The following AOPEP variants were observed in gnomAD, a reference collection of about 807,000 sequenced individuals.
The protein encoded by AOPEP is aminopeptidase O.
Under a neutral mutation model 98.1 loss-of-function variants are expected in AOPEP, and 77 were observed. The ratio of observed to expected loss-of-function variants is 0.78; its 90% CI spans 0.65 to 0.95. The LOEUF (loss-of-function observed/expected upper bound fraction) is 0.95. Among genes scored for constraint, AOPEP ranks in the 40% least tolerant of loss-of-function variants. The pLI, the probability that AOPEP is intolerant of heterozygous loss-of-function variation, is 0.00. For synonymous variants in AOPEP, 346 were observed against 365.3 expected (o/e 0.95, Z 0.60); for missense variants, 1,024 against 1,024.7 (o/e 1.00, Z 0.01).
intron 5 of AOPEP, among the ~76,000 whole-genome samples, chr9:94,832,345 C>T (rs1335071020): frequency 6.6e-6 from 1 of 152,116 alleles, no homozygotes; most frequent in Non-Finnish European, 1.5e-5. Context: ...AGGAGAAATA[C>T]AAATTAAAAC....
intron 1 of AOPEP, among the ~76,000 whole-genome samples, chr9:94,748,693 CTT>C (rs775186852): frequency 3.3e-4 from 50 of 152,164 alleles, no homozygotes; most frequent in Non-Finnish European, 7.2e-4. Flanking sequence ...TTCTGTAACA[CTT>C]TGTCAGATTT....
intron 13 of AOPEP, among the ~76,000 whole-genome samples, chr9:95,026,461 C>T (rs2063843985): frequency 1.3e-5 from 2 of 152,258 alleles, no homozygotes; most frequent in South Asian, 4.1e-4. Flanking sequence ...CATGGTCTTA[C>T]GTGTTTGTTT....
chr9:94,989,636 G>A (rs2060762712), intron 11 of AOPEP, among the ~76,000 whole-genome samples: 1 of 134,186 alleles, frequency 7.5e-6, no homozygotes, highest in Non-Finnish European at 1.6e-5. Flanking sequence ...TTTTGAGACA[G>A]AGTCTTGCTC....
chr9:94,763,928 T>G (rs1359795426), intron 2 of AOPEP, among the ~76,000 whole-genome samples: 1 of 152,056 alleles, frequency 6.6e-6, no homozygotes, highest in Middle Eastern at 3.2e-3. Flanking sequence ...CAATTCCAAG[T>G]TAGTTGTGGA....
chr9:95,025,299 T>C (rs989130510), intron 13 of AOPEP, among the ~76,000 whole-genome samples: 1 of 152,222 alleles, frequency 6.6e-6, no homozygotes, highest in South Asian at 2.1e-4. Context: ...CCATTACATA[T>C]GCTGGTGTCC....
At chr9:95,022,803 GTT>G (rs929012042) in intron 13 of AOPEP, among the ~76,000 whole-genome samples, 18 of 152,160 alleles carry the variant, frequency 1.2e-4, no homozygotes, top group African/African-American at 3.9e-4. Context: ...CAGGAAAAAT[GTT>G]TGTCTGTTGT....
intron 13 of AOPEP, among the ~76,000 whole-genome samples, chr9:95,023,787 G>A (rs1374892054): frequency 6.6e-6 from 1 of 152,114 alleles, no homozygotes; most frequent in East Asian, 1.9e-4. Context: ...TTCCCTGAGC[G>A]CTGACTAACA....
chr9:94,980,646 T>G lies in AOPEP; in HGVS notation c.1977+1219T>G, dbSNP rs1176592562. Among the ~76,000 whole-genome samples, 3 of 152,326 alleles carry G rather than the reference T, an allele frequency of 2.0e-5. No individual in the cohort carries two copies. The highest frequency in any genetic ancestry group is 4.4e-5 in the Non-Finnish European group (3 of 68,022). On this transcript the variant is annotated intron_variant, in intron 11 of 16. Transcript: ENST00000375315. The surrounding 1 kb of genome is among the most constrained non-coding windows in gnomAD (Gnocchi z 4.3). The stretch of plus-strand genomic sequence containing the variant: ...ATGTGTGTCACCTGTTACAAATTAT[T>G]TCTTTGGTCCAGTCCTTCTGGGAGG...
At chr9:94,986,489 T>TA (rs1056089441) in intron 11 of AOPEP, among the ~76,000 whole-genome samples, 13 of 152,332 alleles carry the variant, frequency 8.5e-5, no homozygotes, top group Non-Finnish European at 1.8e-4. Flanking sequence ...GAATGGCCAA[T>TA]AAAAATTACT....
intron 5 of AOPEP, among the ~76,000 whole-genome samples, chr9:94,846,153 T>C (rs753453267): frequency 2.0e-5 from 3 of 151,542 alleles, no homozygotes; most frequent in African/African-American, 7.3e-5. Flanking sequence ...CTGGAGTTCA[T>C]GAGGCAGCCC....
intron 5 of AOPEP, among the ~76,000 whole-genome samples, chr9:94,810,929 C>T (rs1029169101): frequency 2.1e-4 from 32 of 152,180 alleles, no homozygotes; most frequent in African/African-American, 7.7e-4. Context: ...TTCAAATACT[C>T]CATCAGGAGT....
intron 5 of AOPEP, among the ~76,000 whole-genome samples, chr9:94,906,764 T>C (rs1325008734): frequency 1.3e-5 from 2 of 152,226 alleles, no homozygotes; most frequent in Non-Finnish European, 2.9e-5. Flanking sequence ...GGTTTGCTAA[T>C]GTATCCCAAG....
At position 94,955,918 on chromosome 9, in the gene AOPEP, T is replaced by G; in HGVS notation, c.1775T>G (p.Leu592Arg). 6.2e-7 allele frequency: 1 copy of G among 1,611,200 alleles called. No individual in the cohort carries two copies. Among genetic ancestry groups the G allele is most frequent in the Non-Finnish European group, 8.5e-7 (1 of 1,178,702 alleles). ...TTTTCTTTCTTCTAGGGCTACTTCC[T>G]TCTTCGGTTTCTTGCCAAAAGACTT... ...MQVHYLKGYF[L>R]LRFLAKRLGD... Residue 592 changes from leucine (L) to arginine (R), a missense_variant, in exon 9 of 17, where the codon CTT (leucine) becomes CGT (arginine). This residue lies in a region of AOPEP where 566 missense variants were observed against 551.7 expected (regional missense o/e 1.03). Coordinates refer to ENST00000375315, the MANE Select transcript of AOPEP (RefSeq NM_001193329.3).
chr9:94,984,934 G>A (rs1181983008), intron 11 of AOPEP, among the ~76,000 whole-genome samples: 2 of 152,232 alleles, frequency 1.3e-5, no homozygotes, highest in East Asian at 3.8e-4. Context: ...TACGGGGCGG[G>A]AGTGCTGGGT....
intron 14 of AOPEP, among the ~76,000 whole-genome samples, chr9:95,065,803 G>T (rs1249316709): frequency 3.3e-5 from 5 of 152,212 alleles, no homozygotes; most frequent in African/African-American, 1.2e-4. Flanking sequence ...CTCACAGTAT[G>T]ATTGCAGGTA....
chr9:94,939,111 G>A (rs940139446), intron 7 of AOPEP, among the ~76,000 whole-genome samples: 3 of 152,102 alleles, frequency 2.0e-5, no homozygotes, highest in African/African-American at 7.2e-5. Context: ...AGCTGAGCAT[G>A]GTGGCAGGCG....
chr9:94,876,706 G>T (rs2046990420), intron 5 of AOPEP, among the ~76,000 whole-genome samples: 1 of 151,974 alleles, frequency 6.6e-6, no homozygotes, highest in Admixed American at 6.6e-5. Flanking sequence ...TAGTATGTTT[G>T]GTGGCAGTAT....
chr9:94,908,529 C>T (rs1184953624), intron 5 of AOPEP, among the ~76,000 whole-genome samples: 2 of 152,164 alleles, frequency 1.3e-5, no homozygotes, highest in African/African-American at 2.4e-5. Flanking sequence ...TTGCTGCGTG[C>T]CAGGTACTGG....
rs147169874 is a variant in AOPEP at position 94,757,906 on chromosome 9, C to T, written c.-135-1743C>T. 1.9e-4 allele frequency among the ~76,000 whole-genome samples: 29 copies of T among 152,262 alleles called. No individual in the cohort carries two copies. In the East Asian group the frequency reaches 2.3e-3, roughly 12 times the overall value. ...ACATAGAAATAGCCAATGGATTTAT[C>T]GAAGGTTATTATTCAAAATGACAGG... On this transcript the variant is annotated intron_variant, in intron 1 of 16. Coordinates refer to ENST00000375315, the MANE Select transcript of AOPEP (RefSeq NM_001193329.3).
Sources: gnomAD v4.1 joint callset for allele counts (sites outside exome capture counted in the v4.1 genomes callset) on GRCh38, gnomAD v4.1.1 for gene constraint, gnomAD v4.1.1 regional missense constraint, Gnocchi (gnomAD v3.1) non-coding constraint, MANE v1.5 for transcripts, NCBI Gene and HGNC (gene_info 2026-07-23, HGNC 2026-07-21) for gene names.